The following IGLON5 variants were observed in gnomAD, a reference collection of about 807,000 sequenced individuals.
The protein encoded by IGLON5 is Ig-like domain-containing protein ENSP00000270642.
In IGLON5, 16 loss-of-function variants were observed where a neutral mutation model predicts 38.2. The ratio of observed to expected loss-of-function variants is 0.42; its 90% CI spans 0.28 to 0.64. The LOEUF is 0.64. Ranked by LOEUF, IGLON5 falls within the 30% of genes least tolerant of loss-of-function variation. The pLI is 0.23. For synonymous variants in IGLON5, 207 were observed against 216.4 expected (o/e 0.96, Z 0.38); for missense variants, 366 against 483.4 (o/e 0.76, Z 2.28).
chr19:51,316,840 G>T (rs891540875), intron 1 of IGLON5, among the ~76,000 whole-genome samples: 2 of 151,952 alleles, frequency 1.3e-5, no homozygotes, highest in African/African-American at 4.8e-5. Context: ...ACCCTCCTGG[G>T]GACTCCTGGG....
intron 1 of IGLON5, among the ~76,000 whole-genome samples, chr19:51,315,481 T>G (rs1599822345): frequency 6.6e-6 from 1 of 152,294 alleles, no homozygotes; most frequent in Middle Eastern, 3.4e-3. Flanking sequence ...GTCACTGTCC[T>G]CACGGAGCTT....
In IGLON5 at chr19:51,327,608, G is replaced by C. The variant is rs75480837; in HGVS notation, c.768-124G>C. 2 of 1,376,600 alleles carry C rather than the reference G, an allele frequency of 1.5e-6. No individual in the cohort carries two copies. Among genetic ancestry groups the C allele is most frequent in the Admixed American group, 2.3e-5 (1 of 42,666 alleles). 85.3% of individuals were successfully genotyped at this position (1,376,600 alleles called of 1,614,324 possible). A position where few individuals can be genotyped will look rare whatever the true frequency, so the allele number is the denominator to read the frequency against. On this transcript the variant is annotated intron_variant, in intron 6 of 7. Transcript: ENST00000270642. This position sits in a 1 kb window ranked among gnomAD's most constrained non-coding sequence, Gnocchi z 7.1. ...CGAGGTACATGAGGTGCTAGAACCC[G>C]AGGCGATGGGTCACTGGGGTAGGGG...
At chr19:51,322,191 C>A (rs373407739) in intron 2 of IGLON5, 49 bp downstream of exon 2, 156 of 1,442,828 alleles carry the variant, frequency 1.1e-4, no homozygotes, top group Middle Eastern at 1.7e-4. Context: ...GCCATGCGGT[C>A]CTGCCCCTTC....
chr19:51,330,681 A>C lies in IGLON5; in HGVS notation c.*1922A>C, dbSNP rs2123542594. Among the ~76,000 whole-genome samples the C allele has an allele frequency of 6.6e-6, 1 of 152,340 alleles. No homozygotes were observed. Among genetic ancestry groups the C allele is most frequent in the South Asian group, 2.1e-4 (1 of 4,830 alleles). ...ATCTGTAGGGTTGCTTTTCTCCATC[A>C]CATGGAGAGATCTTGGCTCTGTGGG... On this transcript the variant is annotated 3_prime_UTR_variant, in exon 8 of 8. Coordinates refer to ENST00000270642, the MANE Select transcript of IGLON5 (RefSeq NM_001101372.3).
Position 51,321,479 on chromosome 19 carries a change from G to A in IGLON5, c.80-585G>A, listed in dbSNP as rs777720503. ...CAGGTGTGAGCCACCGCACCTGGCC[G>A]TATCTATGTAATTGTTAATCTGCTC... On this transcript the variant is annotated intron_variant, in intron 1 of 7. Transcript: ENST00000270642. 1.6e-4 allele frequency among the ~76,000 whole-genome samples: 24 copies of A among 152,082 alleles called. 1 individual carries two copies. The highest frequency in any genetic ancestry group is 2.9e-4 in the African/African-American group (12 of 41,404).
At position 51,325,371 on chromosome 19, in the gene IGLON5, G is replaced by A. The variant is rs202179170; in HGVS notation, c.417G>A (p.Ser139=). ...TCCCTGCCCGCATTGTGAACATCTC[G>A]TCGCCTGTGACGGTGAATGAGGGGG... ...VHVPARIVNI[S]SPVTVNEGGN... The change falls in exon 4 of 8, where the codon TCG becomes TCA. Residue 139 remains serine (S), a synonymous_variant. Transcript: ENST00000270642. The surrounding 1 kb of genome is among the most constrained non-coding windows in gnomAD (Gnocchi z 5.5). The A allele has an allele frequency of 1.2e-5, 19 of 1,613,704 alleles. No individual in the cohort carries two copies. The highest frequency in any genetic ancestry group is 4.0e-5 in the African/African-American group (3 of 74,882).
At position 51,326,757 on chromosome 19, in the gene IGLON5, C is replaced by T. The variant is rs537380242; in HGVS notation, c.512-7C>T. 392 of 1,546,312 alleles carry T rather than the reference C, an allele frequency of 2.5e-4. No homozygotes were observed. The highest frequency in any genetic ancestry group is 8.0e-4 in the Admixed American group (40 of 50,160). On this transcript the variant is annotated splice_polypyrimidine_tract_variant and splice_region_variant and intron_variant, in intron 4 of 7. Coordinates refer to ENST00000270642, the MANE Select transcript of IGLON5 (RefSeq NM_001101372.3). ...GCCCCGCCCCCTCCTCCTCCTTCCC[C>T]CCACAGACGGCTTCACCTCGGAGGG... is the stretch of plus-strand genomic sequence containing the variant.
Position 51,328,671 on chromosome 19 carries a change from G to T in IGLON5, c.923G>T (p.Arg308Leu). The change falls in exon 8 of 8, where the codon CGC (arginine) becomes CTC (leucine). Residue 308 changes from arginine (R) to leucine (L), a missense_variant and splice_region_variant. Coordinates refer to ENST00000270642, the MANE Select transcript of IGLON5 (RefSeq NM_001101372.3). ...GASSASMRLL[R>L]PGSLENSAPR... ...TCCATGACCCCTTCTCTTCCCCCAG[G>T]CCCAGGATCCCTGGAGAACTCAGCC... The T allele has an allele frequency of 6.4e-7, 1 of 1,568,274 alleles. No homozygotes were observed. The highest frequency in any genetic ancestry group is 8.6e-7 in the Non-Finnish European group (1 of 1,157,062).
chr19:51,325,399 A>C lies in IGLON5; in HGVS notation c.445A>C (p.Asn149His). 6.2e-7 allele frequency: 1 copy of C among 1,613,884 alleles called. No homozygotes were observed. Among genetic ancestry groups the C allele is most frequent in the Non-Finnish European group, 8.5e-7 (1 of 1,179,818 alleles). The stretch of plus-strand genomic sequence containing the variant: ...GCCTGTGACGGTGAATGAGGGGGGC[A>C]ATGTGAACCTGCTTTGCCTGGCCGT... ...SSPVTVNEGG[N>H]VNLLCLAVGR... The change falls in exon 4 of 8, where the codon AAT becomes CAT. Residue 149 changes from asparagine to histidine, a missense_variant. Transcript: ENST00000270642. The surrounding 1 kb of genome is among the most constrained non-coding windows in gnomAD (Gnocchi z 5.5).
In IGLON5 at chr19:51,329,094, A is replaced by T. The variant is rs1203814480; in HGVS notation, c.*335A>T. On this transcript the variant is annotated 3_prime_UTR_variant, in exon 8 of 8. Transcript: ENST00000270642. This position sits in a 1 kb window ranked among gnomAD's most constrained non-coding sequence, Gnocchi z 4.3. ...TGTGGGTGTGTGAGTGTGAGCCTGC[A>T]TGCATGTGTAGGTGTCTGTGTCTCT... 1.5e-5 allele frequency: 2 copies of T among 129,526 alleles called. No homozygotes were observed. Among genetic ancestry groups the T allele is most frequent in the African/African-American group, 6.2e-5 (2 of 32,394 alleles). The allele number at this position is 129,526 out of a possible 1,614,324, so 8.0% of individuals were successfully genotyped here.
chr19:51,314,964 G>T (rs2123511613), intron 1 of IGLON5, among the ~76,000 whole-genome samples: 1 of 152,256 alleles, frequency 6.6e-6, no homozygotes, highest in East Asian at 1.9e-4. Flanking sequence ...CAACATAAGT[G>T]ATGGATTGGT....
chr19:51,326,838 G>A lies in IGLON5; in HGVS notation c.586G>A (p.Val196Met). The A allele has an allele frequency of 2.6e-6, 4 of 1,555,996 alleles. No homozygotes were observed. The highest frequency in any genetic ancestry group is 2.6e-6 in the Non-Finnish European group (3 of 1,149,746). Residue 196 changes from valine (V) to methionine (M), a missense_variant, in exon 5 of 8, where the codon GTG (valine) becomes ATG (methionine). Val to Met is a conservative substitution (Grantham distance 21). Coordinates refer to ENST00000270642, the MANE Select transcript of IGLON5 (RefSeq NM_001101372.3). ...QRGQAGEYEC[V>M]THNGVNSAPD... ...GGGCCAGGCCGGGGAGTATGAGTGC[G>A]TGACTCACAACGGGGTTAACTCGGC...
chr19:51,323,111 T>G (rs988511877), intron 2 of IGLON5, among the ~76,000 whole-genome samples: 2 of 150,498 alleles, frequency 1.3e-5, no homozygotes, highest in African/African-American at 4.9e-5. Flanking sequence ...CCCCTCTCTC[T>G]GGGTCTCTGC....
chr19:51,326,898 T>C lies in IGLON5; in HGVS notation c.646T>C (p.Tyr216His). The C allele has an allele frequency of 6.4e-7, 1 of 1,569,522 alleles. No individual in the cohort carries two copies. The highest frequency in any genetic ancestry group is 8.6e-7 in the Non-Finnish European group (1 of 1,157,370). Residue 216 changes from tyrosine to histidine, a missense_variant and splice_region_variant, in exon 5 of 8, where the codon TAT becomes CAT. Tyr to His is a moderately conservative substitution (Grantham distance 83, BLOSUM62 2). Transcript: ENST00000270642. ...CCGCCGCGTGCTGGTCACAGTCAACTGTGAGCCCCCCTGGCACTGGGCACG... is the reference window on the plus strand; with the variant it reads ...CCGCCGCGTGCTGGTCACAGTCAACCGTGAGCCCCCCTGGCACTGGGCACG... Reference protein sequence around the residue: ...DSRRVLVTVNYPPTITDVTSA... With the variant: ...DSRRVLVTVNHPPTITDVTSA...
chr19:51,312,050 C>G, intron 1 of IGLON5, 124 bp downstream of exon 1: 1 of 459,174 alleles, frequency 2.2e-6, no homozygotes, highest in Non-Finnish European at 3.4e-6. Flanking sequence ...CCCCGGGACG[C>G]CGGGGTCTGG....
intron 1 of IGLON5, among the ~76,000 whole-genome samples, chr19:51,319,920 T>C (rs1985012081): frequency 6.6e-6 from 1 of 151,944 alleles, no homozygotes; most frequent in Admixed American, 6.6e-5. Flanking sequence ...CTGGAGCTGT[T>C]TGTGTCTGTA....
chr19:51,327,268 C>A lies in IGLON5; in HGVS notation c.767+68C>A. 1 of 1,553,728 alleles carries A rather than the reference C, an allele frequency of 6.4e-7. No homozygotes were observed. On this transcript the variant is annotated intron_variant, in intron 6 of 7. Transcript: ENST00000270642. This position sits in a 1 kb window ranked among gnomAD's most constrained non-coding sequence, Gnocchi z 7.1. ...GTCTTTAGTCCCTTCGATTGTGAGG[C>A]AGGGGGACGGAGCGGGGCGGGGGAA...
At position 51,311,877 on chromosome 19, in the gene IGLON5, C is replaced by T. The variant is rs548211737; in HGVS notation, c.30C>T (p.Leu10=). 144 of 1,356,586 alleles carry T rather than the reference C, an allele frequency of 1.1e-4. 3 individuals are homozygous for T. The South Asian group carries it at 2.2e-3, about 21-fold the overall frequency. The allele number at this position is 1,356,586 out of a possible 1,614,324, so 84.0% of individuals were successfully genotyped here. A position where few individuals can be genotyped will look rare whatever the true frequency, so the allele number is the denominator to read the frequency against. MPPPAPGAR[L]RLLAAAALAG... ...CCCCCCCTGCGCCCGGGGCCCGGCT[C>T]CGGCTTCTCGCCGCCGCCGCCCTGG... The change falls in exon 1 of 8, where the codon CTC becomes CTT. Residue 10 remains leucine (L), a synonymous_variant. Coordinates refer to ENST00000270642, the MANE Select transcript of IGLON5 (RefSeq NM_001101372.3).
chr19:51,317,875 C>G (rs1020612844), intron 1 of IGLON5, among the ~76,000 whole-genome samples: 9 of 152,284 alleles, frequency 5.9e-5, no homozygotes, highest in Admixed American at 5.9e-4. Flanking sequence ...CTCACACTGG[C>G]CAGGAGTGGG....
Sources: gnomAD v4.1 joint callset for allele counts (sites outside exome capture counted in the v4.1 genomes callset) on GRCh38, gnomAD v4.1.1 for gene constraint, Gnocchi (gnomAD v3.1) non-coding constraint, MANE v1.5 for transcripts, NCBI Gene and HGNC (gene_info 2026-07-23, HGNC 2026-07-21) for gene names.